The following SOBP variants were observed in gnomAD, a reference collection of about 807,000 sequenced individuals.
The protein encoded by SOBP is sine oculis-binding protein homolog.
SOBP carries 4 observed loss-of-function variants against 53.6 expected under a neutral mutation model. The ratio of observed to expected loss-of-function variants is 0.07; its 90% CI spans 0.04 to 0.17. The LOEUF is 0.17. SOBP is among the 10% of genes least tolerant of loss of function. SOBP has a pLI of 1.00. For missense variants in SOBP, 1,088 were observed against 1,204.7 expected (o/e 0.90, Z 1.43); for synonymous variants, 584 against 522.6 (o/e 1.12, Z -1.60).
intron 6 of SOBP, among the ~76,000 whole-genome samples, chr6:107,653,788 A>G (rs1771905547): frequency 6.6e-6 from 1 of 152,210 alleles, no homozygotes. Flanking sequence ...GTAGAATAAG[A>G]CAGACATTTT....
chr6:107,563,683 A>G (rs1478401641), intron 4 of SOBP, among the ~76,000 whole-genome samples: 2 of 152,182 alleles, frequency 1.3e-5, no homozygotes, highest in African/African-American at 4.8e-5. Flanking sequence ...TATTGAAAAA[A>G]AAAAAACTTA....
rs1349603361 is a variant in SOBP, at chr6:107,490,551, G to GCCGCCACCA, written c.-63_-55dup. 8 of 1,243,552 alleles carry GCCGCCACCA rather than the reference G, an allele frequency of 6.4e-6. No homozygotes were observed. The highest frequency in any genetic ancestry group is 2.3e-4 in the Middle Eastern group (1 of 4,332). The allele number at this position is 1,243,552 out of a possible 1,614,324, so 77.0% of individuals were successfully genotyped here. On this transcript the variant is annotated 5_prime_UTR_variant, in exon 1 of 7. Coordinates refer to ENST00000317357, the MANE Select transcript of SOBP (RefSeq NM_018013.4). ...CAGCACCACCTCCACCGCCGCCGCC[G>GCCGCCACCA]CCGCCACCACCACCGCCGGCGGCGG...
chr6:107,615,971 A>G (rs1033209777), intron 5 of SOBP, among the ~76,000 whole-genome samples: 5 of 150,632 alleles, frequency 3.3e-5, no homozygotes, highest in African/African-American at 1.2e-4. Flanking sequence ...GCAGCGAGCT[A>G]GGATCATACC....
chr6:107,546,799 C>T (rs1348012594), intron 4 of SOBP, among the ~76,000 whole-genome samples: 1 of 152,052 alleles, frequency 6.6e-6, no homozygotes, highest in Non-Finnish European at 1.5e-5. Flanking sequence ...TATAGCCTTG[C>T]AAAAAAGTAA....
intron 1 of SOBP, among the ~76,000 whole-genome samples, chr6:107,491,404 G>T (rs1190874315): frequency 6.6e-6 from 1 of 152,260 alleles, no homozygotes; most frequent in African/African-American, 2.4e-5. Context: ...GGCGGCCTTT[G>T]CAGGGCGCCT....
chr6:107,558,457 C>A (rs552631171), intron 4 of SOBP, among the ~76,000 whole-genome samples: 1 of 151,382 alleles, frequency 6.6e-6, no homozygotes, highest in African/African-American at 2.4e-5. Context: ...TTAGTAGAGA[C>A]GGGGGTTTCA....
At chr6:107,504,369 G>T (rs577580625) in intron 2 of SOBP, among the ~76,000 whole-genome samples, 1 of 152,286 alleles carries the variant, frequency 6.6e-6, no homozygotes, top group East Asian at 1.9e-4. Context: ...TACTCTTTAA[G>T]AATTTTTTAA....
At chr6:107,492,511 T>C (rs536223520) in intron 1 of SOBP, among the ~76,000 whole-genome samples, 1 of 152,348 alleles carries the variant, frequency 6.6e-6, no homozygotes, top group South Asian at 2.1e-4. Flanking sequence ...CTGTGCTCGA[T>C]GCTTGGGGCT....
chr6:107,605,165 A>G (rs965957748), intron 5 of SOBP, among the ~76,000 whole-genome samples: 1 of 152,178 alleles, frequency 6.6e-6, no homozygotes, highest in African/African-American at 2.4e-5. Context: ...TTCTCTGGAT[A>G]CATTTCGCCT....
intron 4 of SOBP, among the ~76,000 whole-genome samples, chr6:107,562,428 G>A (rs1266225822): frequency 2.0e-5 from 3 of 152,204 alleles, no homozygotes; most frequent in Non-Finnish European, 2.9e-5. Context: ...TTTGGTGCAT[G>A]CTGCCATGAG....
Position 107,634,214 on chromosome 6 carries a change from C to T in SOBP, c.1370C>T (p.Ser457Leu). ...TSSPMHRPMLSPHIHPPSTPT... is the reference protein window; with the variant it reads ...TSSPMHRPMLLPHIHPPSTPT... ...AGCCCCATGCACCGGCCCATGCTAT[C>T]GCCCCACATCCACCCCCCGAGCACC... The change falls in exon 6 of 7, where the codon TCG becomes TTG. Residue 457 changes from serine to leucine, a missense_variant. Around this residue, in one of 6 missense-constraint regions of SOBP, gnomAD observed 665 missense variants for 629.7 expected, o/e 1.06. Coordinates refer to ENST00000317357, the MANE Select transcript of SOBP (RefSeq NM_018013.4). This position sits in a 1 kb window ranked among gnomAD's most constrained non-coding sequence, Gnocchi z 4.5. 6.3e-7 allele frequency: 1 copy of T among 1,598,660 alleles called. No individual in the cohort carries two copies. The highest frequency in any genetic ancestry group is 2.2e-5 in the East Asian group (1 of 44,766).
At position 107,542,988 on chromosome 6, in the gene SOBP, G is replaced by C. The variant is rs544344299; in HGVS notation, c.573+9378G>C. Among the ~76,000 whole-genome samples, 8 of 152,234 alleles carry C rather than the reference G, an allele frequency of 5.3e-5. No homozygotes were observed. In the East Asian group the frequency reaches 1.4e-3, roughly 26 times the overall value. ...TTCTCAAGCTCTAGCCTTAGAGGTA[G>C]CATTATGGTAAAGAGATGGTAATCT... On this transcript the variant is annotated intron_variant, in intron 4 of 6. Coordinates refer to ENST00000317357, the MANE Select transcript of SOBP (RefSeq NM_018013.4).
At position 107,507,462 on chromosome 6, in the gene SOBP, C is replaced by T. The variant is rs187464055; in HGVS notation, c.421+1035C>T. ...CTGGGATTACAGCTGCTCACCACCACGCCTGGCTAATTTTTGTATTTTTAG... is the reference window on the plus strand; with the variant it reads ...CTGGGATTACAGCTGCTCACCACCATGCCTGGCTAATTTTTGTATTTTTAG... On this transcript the variant is annotated intron_variant, in intron 3 of 6. Transcript: ENST00000317357. Among the ~76,000 whole-genome samples, 92 of 152,130 alleles carry T rather than the reference C, an allele frequency of 6.0e-4. 2 individuals are homozygous for T. The highest frequency in any genetic ancestry group is 2.0e-3 in the African/African-American group (84 of 41,520).
At chr6:107,622,626 G>T (rs1770230988) in intron 5 of SOBP, among the ~76,000 whole-genome samples, 1 of 152,182 alleles carries the variant, frequency 6.6e-6, no homozygotes. Flanking sequence ...GCAGTGTCTT[G>T]TGCCTAGACT....
intron 4 of SOBP, among the ~76,000 whole-genome samples, chr6:107,551,306 A>G (rs770430304): frequency 3.3e-5 from 5 of 152,228 alleles, no homozygotes; most frequent in Non-Finnish European, 5.9e-5. Context: ...TTAGAATATC[A>G]GTGTTTAGTA....
intron 5 of SOBP, among the ~76,000 whole-genome samples, chr6:107,599,535 A>C (rs543188750): frequency 2.0e-5 from 3 of 152,032 alleles, no homozygotes; most frequent in Non-Finnish European, 4.4e-5. Flanking sequence ...CAAGATCTTC[A>C]TCAAAAAAAA....
At chr6:107,630,751 T>A (rs62428435) in intron 5 of SOBP, among the ~76,000 whole-genome samples, 1 of 2,274 alleles carries the variant, frequency 4.4e-4, no homozygotes, top group Non-Finnish European at 3.0e-3. Flanking sequence ...ACACACTCTG[T>A]CTCTCTCTCT....
chr6:107,619,569 G>A (rs1786926338), intron 5 of SOBP, among the ~76,000 whole-genome samples: 1 of 152,254 alleles, frequency 6.6e-6, no homozygotes, highest in Non-Finnish European at 1.5e-5. Context: ...GAAATAGAGA[G>A]TTGGGGCATA....
chr6:107,535,167 A>G (rs1477432068), intron 4 of SOBP, among the ~76,000 whole-genome samples: 1 of 152,190 alleles, frequency 6.6e-6, no homozygotes, highest in East Asian at 1.9e-4. Context: ...CTGGTGATAC[A>G]TGTTATATTT....
Sources: allele counts gnomAD v4.1 joint callset (sites outside exome capture counted in the v4.1 genomes callset), GRCh38; gene constraint gnomAD v4.1.1; regional missense constraint gnomAD v4.1.1; non-coding constraint Gnocchi (gnomAD v3.1); transcripts MANE v1.5; gene names NCBI Gene and HGNC (gene_info 2026-07-23, HGNC 2026-07-21).